CNTN1: variants seen among roughly 807,000 people sequenced by gnomAD.
CNTN1 encodes the protein contactin 1.
In CNTN1, 38 loss-of-function variants were observed where a neutral mutation model predicts 126.4. The ratio of observed to expected loss-of-function variants is 0.30; its 90% confidence interval spans 0.23 to 0.39. CNTN1 has a LOEUF of 0.39. Among genes scored for constraint, CNTN1 ranks in the 10% least tolerant of loss-of-function variants. The pLI is 1.00. For synonymous variants in CNTN1, 413 were observed against 422.6 expected, an observed-to-expected ratio of 0.98 and a Z score of 0.28; for missense variants, 1,009 against 1,248.4, an observed-to-expected ratio of 0.81 and a Z score of 2.89.
intron 12 of CNTN1, among the ~76,000 whole-genome samples, chr12:40,939,944 C>G (rs1246449609): frequency 6.6e-6 from 1 of 152,102 alleles, no homozygotes; most frequent in Non-Finnish European, 1.5e-5. Flanking sequence ...CTTCCTATCT[C>G]AAAATGAACA....
At chr12:41,039,366 G>A (rs559319280) in intron 23 of CNTN1, among the ~76,000 whole-genome samples, 61 of 152,190 alleles carry the variant, frequency 4.0e-4, no homozygotes, top group African/African-American at 1.4e-3. Context: ...TTATATGGAG[G>A]AAGACCCAAC....
At chr12:40,725,991 T>C (rs1391360239) in intron 1 of CNTN1, among the ~76,000 whole-genome samples, 2 of 151,894 alleles carry the variant, frequency 1.3e-5, no homozygotes, top group Admixed American at 6.6e-5. Context: ...CAAGGAAGTC[T>C]TGAGTCAGCA....
rs548032233 is a variant in CNTN1, at chr12:40,794,054, G to A, written c.-77+101462G>A. Among the ~76,000 whole-genome samples, 8 of 152,020 alleles carry A rather than the reference G, an allele frequency of 5.3e-5. No homozygotes were observed. In the East Asian group the frequency reaches 1.2e-3, roughly 22 times the overall value. ...AATTCAAGGTTTTACCCAGATGTGC[G>A]TACAACCTGAAAATCTTCAGGATGC... On this transcript the variant is annotated intron_variant, in intron 1 of 23. Transcript: ENST00000551295.
rs139203007 is a variant in CNTN1 at position 40,983,947 on chromosome 12, T to C, written c.1963+2880T>C. Among the ~76,000 whole-genome samples the C allele has an allele frequency of 9.6e-3, 1,410 of 146,772 alleles. 22 individuals carry two copies. The highest frequency in any genetic ancestry group is 0.033 in the African/African-American group (1,334 of 40,322). Reference sequence around the variant, plus strand: ...ATTTTATTATATGCTATGTCATATATAGTAATATATATATTGCTATAATAG... The same window carrying C: ...ATTTTATTATATGCTATGTCATATACAGTAATATATATATTGCTATAATAG... On this transcript the variant is annotated intron_variant, in intron 16 of 23. Coordinates refer to ENST00000551295, the MANE Select transcript of CNTN1 (RefSeq NM_001843.4).
At chr12:40,791,761 A>C (rs186627020) in intron 1 of CNTN1, among the ~76,000 whole-genome samples, 1 of 152,268 alleles carries the variant, frequency 6.6e-6, no homozygotes, top group South Asian at 2.1e-4. Flanking sequence ...CTCCAAAAAT[A>C]TACTACATGT....
intron 1 of CNTN1, among the ~76,000 whole-genome samples, chr12:40,724,013 A>T (rs1388036883): frequency 1.3e-5 from 2 of 152,290 alleles, no homozygotes; most frequent in South Asian, 2.1e-4. Context: ...CTTGGTATAA[A>T]GACTGGATTC....
At chr12:40,749,110 G>A (rs1658967148) in intron 1 of CNTN1, among the ~76,000 whole-genome samples, 1 of 152,072 alleles carries the variant, frequency 6.6e-6, no homozygotes, top group Non-Finnish European at 1.5e-5. Context: ...TATCTGAAAA[G>A]CACCAATACT....
chr12:40,734,469 C>T (rs1483974269), intron 1 of CNTN1, among the ~76,000 whole-genome samples: 1 of 152,086 alleles, frequency 6.6e-6, no homozygotes, highest in East Asian at 1.9e-4. Context: ...CTTTAGGGCA[C>T]AGCAGGGCAT....
At chr12:40,890,326 G>A (rs759414264) in intron 1 of CNTN1, among the ~76,000 whole-genome samples, 19 of 152,084 alleles carry the variant, frequency 1.2e-4, no homozygotes, top group Non-Finnish European at 2.2e-4. Context: ...TGTTAAAATC[G>A]ATGAACCCGC....
chr12:40,949,839 G>C (rs1342220367), intron 14 of CNTN1, among the ~76,000 whole-genome samples: 1 of 151,906 alleles, frequency 6.6e-6, no homozygotes, highest in African/African-American at 2.4e-5. Context: ...GCCTCCCAAA[G>C]CACTGGGGTT....
chr12:40,713,202 T>G (rs2121173613), intron 1 of CNTN1, among the ~76,000 whole-genome samples: 1 of 150,588 alleles, frequency 6.6e-6, no homozygotes, highest in South Asian at 2.1e-4. Context: ...GCCTTTTATT[T>G]TGAATCCTAT....
At chr12:40,778,265 A>T (rs937622055) in intron 1 of CNTN1, among the ~76,000 whole-genome samples, 1 of 151,846 alleles carries the variant, frequency 6.6e-6, no homozygotes, top group Non-Finnish European at 1.5e-5. Context: ...TTCAGAGGTC[A>T]GCAAAGCACA....
intron 1 of CNTN1, among the ~76,000 whole-genome samples, chr12:40,693,851 C>A (rs894395271): frequency 6.6e-6 from 1 of 152,152 alleles, no homozygotes; most frequent in African/African-American, 2.4e-5. Context: ...CTGCTGAAAC[C>A]CTGCGTGAAA....
At chr12:40,981,796 T>A (rs1358932115) in intron 16 of CNTN1, among the ~76,000 whole-genome samples, 1 of 152,094 alleles carries the variant, frequency 6.6e-6, no homozygotes, top group Non-Finnish European at 1.5e-5. Flanking sequence ...TTGTAACTTT[T>A]GACAATATTT....
Position 40,813,358 on chromosome 12 carries a change from C to A in CNTN1, c.-76-94999C>A, listed in dbSNP as rs1315483969. Reference sequence around the variant, plus strand: ...TTCCCTCCCCTCAACCCCCAACCCACAACAGGCCAGGGTATGTGTTGTTCC... The same window carrying A: ...TTCCCTCCCCTCAACCCCCAACCCAAAACAGGCCAGGGTATGTGTTGTTCC... On this transcript the variant is annotated intron_variant, in intron 1 of 23. Transcript: ENST00000551295. 3.3e-5 allele frequency among the ~76,000 whole-genome samples: 5 copies of A among 151,910 alleles called. No individual in the cohort carries two copies. In the East Asian group the frequency reaches 9.7e-4, roughly 30 times the overall value.
intron 14 of CNTN1, among the ~76,000 whole-genome samples, chr12:40,957,523 A>C (rs1353396665): frequency 1.3e-5 from 2 of 150,168 alleles, no homozygotes; most frequent in Non-Finnish European, 3.0e-5. Flanking sequence ...GTAAGACTTC[A>C]TGCTATTTGG....
chr12:40,838,059 G>A (rs975246969), intron 1 of CNTN1, among the ~76,000 whole-genome samples: 14 of 152,196 alleles, frequency 9.2e-5, no homozygotes, highest in African/African-American at 3.4e-4. Context: ...ACCCACAATG[G>A]TTGGTGCTTG....
chr12:40,936,856 C>G lies in CNTN1; in HGVS notation c.1061C>G (p.Ala354Gly), dbSNP rs1287431161. ...IGSDLYWPCV[A>G]TGKPIPTIRW... ...AGTGATCTCTACTGGCCTTGTGTGG[C>G]CACAGGAAAGCCCATCCCTACAATC... Residue 354 changes from alanine (A) to glycine (G), a missense_variant, in exon 10 of 24, where the codon GCC (alanine) becomes GGC (glycine). Physicochemically the swap from Ala to Gly is moderately conservative, Grantham distance 60. Coordinates refer to ENST00000551295, the MANE Select transcript of CNTN1 (RefSeq NM_001843.4). 1.2e-6 allele frequency: 2 copies of G among 1,613,280 alleles called. No individual in the cohort carries two copies. Among genetic ancestry groups the G allele is most frequent in the Non-Finnish European group, 1.7e-6 (2 of 1,179,454 alleles).
chr12:40,751,275 C>A (rs977354775), intron 1 of CNTN1, among the ~76,000 whole-genome samples: 3 of 151,954 alleles, frequency 2.0e-5, no homozygotes, highest in African/African-American at 7.2e-5. Flanking sequence ...AATGAAACAT[C>A]CTGGGATGTT....
Sources: allele counts gnomAD v4.1 joint callset (sites outside exome capture counted in the v4.1 genomes callset), GRCh38; gene constraint gnomAD v4.1.1; transcripts MANE v1.5; gene names NCBI Gene and HGNC (gene_info 2026-07-23, HGNC 2026-07-21).